Variants in ITGBL1 observed in about 807,000 individuals in gnomAD.
ITGBL1 encodes integrin subunit beta like 1, also known as integrin beta-like protein 1.
ITGBL1 carries 51 observed loss-of-function variants against 68.5 expected under a neutral mutation model. The ratio of observed to expected loss-of-function variants is 0.74; its 90% CI spans 0.59 to 0.94. ITGBL1 has a LOEUF of 0.94. Among genes scored for constraint, ITGBL1 ranks in the 40% least tolerant of loss-of-function variants. ITGBL1 has a pLI of 0.00. For synonymous variants in ITGBL1, 209 were observed against 227.3 expected, an observed-to-expected ratio of 0.92 and a Z score of 0.72; for missense variants, 649 against 647.4, an observed-to-expected ratio of 1.00 and a Z score of -0.03.
At chr13:101,487,858 A>G (rs893356618) in intron 2 of ITGBL1, among the ~76,000 whole-genome samples, 11 of 152,202 alleles carry the variant, frequency 7.2e-5, no homozygotes, top group Non-Finnish European at 1.6e-4. Flanking sequence ...AAGGTCAGAA[A>G]GAAGGGTTAA....
At position 101,558,083 on chromosome 13, in the gene ITGBL1, C is replaced by CAAAAAAAAAAAAAAAAAA. The variant is rs568103738; in HGVS notation, c.317-9600_317-9583dup. On this transcript the variant is annotated intron_variant, in intron 2 of 10. Transcript: ENST00000376180. ...TGGGAGACAGAGCAAAACTCCGTCT[C>CAAAAAAAAAAAAAAAAAA]AAAAAAAAAAAAAAAAAAAAAAAAA... Among the ~76,000 whole-genome samples, 6 of 71,690 alleles carry CAAAAAAAAAAAAAAAAAA rather than the reference C, an allele frequency of 8.4e-5. 1 individual carries two copies. The highest frequency in any genetic ancestry group is 3.4e-4 in the African/African-American group (5 of 14,680). The allele number at this position is 71,690 out of a possible 152,430, so 47.0% of individuals were successfully genotyped here. A position where few individuals can be genotyped will look rare whatever the true frequency, so the allele number is the denominator to read the frequency against.
At position 101,608,744 on chromosome 13, in the gene ITGBL1, CAG is replaced by C. The variant is rs547402502; in HGVS notation, c.1015+10446_1015+10447del. On this transcript the variant is annotated intron_variant, in intron 7 of 10. Coordinates refer to ENST00000376180, the MANE Select transcript of ITGBL1 (RefSeq NM_004791.3). ...TGCTAGATTGATTCATTATTTCTGCCAGTGCTAGAGGACCCTGGAATAGTCAT... is the reference window on the plus strand; with the variant it reads ...TGCTAGATTGATTCATTATTTCTGCCTGCTAGAGGACCCTGGAATAGTCAT... Among the ~76,000 whole-genome samples the C allele has an allele frequency of 2.3e-4, 35 of 152,104 alleles. No homozygotes were observed. In the South Asian group the frequency reaches 4.6e-3, roughly 20 times the overall value.
chr13:101,483,274 T>C (rs1327508957), intron 2 of ITGBL1, among the ~76,000 whole-genome samples: 1 of 152,194 alleles, frequency 6.6e-6, no homozygotes, highest in Admixed American at 6.5e-5. Flanking sequence ...ATCACAATGC[T>C]GAGTGAATGG....
intron 8 of ITGBL1, among the ~76,000 whole-genome samples, chr13:101,693,258 C>T (rs2139557887): frequency 6.6e-6 from 1 of 152,240 alleles, no homozygotes; most frequent in East Asian, 1.9e-4. Context: ...CCGAGCACCT[C>T]CATGGCTGGG....
At chr13:101,502,300 A>G (rs1449435493) in intron 2 of ITGBL1, among the ~76,000 whole-genome samples, 5 of 152,174 alleles carry the variant, frequency 3.3e-5, no homozygotes, top group Admixed American at 3.3e-4. Flanking sequence ...GAATTCTTAC[A>G]TTTACTACTC....
intron 3 of ITGBL1, among the ~76,000 whole-genome samples, chr13:101,571,391 T>C (rs2139261146): frequency 6.6e-6 from 1 of 152,148 alleles, no homozygotes; most frequent in East Asian, 1.9e-4. Flanking sequence ...CACTCAGACT[T>C]ATTTTATTTT....
chr13:101,555,289 G>A (rs770232077), intron 2 of ITGBL1, among the ~76,000 whole-genome samples: 22 of 152,018 alleles, frequency 1.4e-4, no homozygotes, highest in African/African-American at 2.9e-4. Context: ...CATATTTTAC[G>A]TCAATATGTT....
intron 2 of ITGBL1, among the ~76,000 whole-genome samples, chr13:101,555,883 T>C (rs9513919): frequency 0.79 from 120,713 of 152,100 alleles, 47,932 homozygotes; most frequent in African/African-American, 0.83. Flanking sequence ...TTTTGTGTGC[T>C]ATATGAGAGA....
intron 7 of ITGBL1, among the ~76,000 whole-genome samples, chr13:101,679,900 A>G (rs547488987): frequency 3.3e-5 from 5 of 152,302 alleles, no homozygotes; most frequent in Admixed American, 3.3e-4. Flanking sequence ...ATTAGTACAG[A>G]ATTTGCTTAA....
intron 2 of ITGBL1, among the ~76,000 whole-genome samples, chr13:101,484,150 C>A (rs977632539): frequency 6.6e-6 from 1 of 151,802 alleles, no homozygotes; most frequent in East Asian, 1.9e-4. Flanking sequence ...CTCCCAGAAG[C>A]AACATTTTAG....
intron 5 of ITGBL1, among the ~76,000 whole-genome samples, chr13:101,580,740 T>C (rs1174353767): frequency 6.6e-6 from 1 of 152,152 alleles, no homozygotes; most frequent in Non-Finnish European, 1.5e-5. Context: ...AAATGACTAT[T>C]TGGCTGTCAA....
chr13:101,533,211 C>T (rs2049512759), intron 2 of ITGBL1, among the ~76,000 whole-genome samples: 1 of 152,168 alleles, frequency 6.6e-6, no homozygotes, highest in African/African-American at 2.4e-5. Flanking sequence ...GCACATTTGC[C>T]ATTCTAAAAG....
intron 2 of ITGBL1, among the ~76,000 whole-genome samples, chr13:101,514,151 T>C (rs139813946): frequency 7.9e-5 from 12 of 152,156 alleles, no homozygotes; most frequent in African/African-American, 2.9e-4. Flanking sequence ...ATCCTAAATA[T>C]TCTATCCTAA....
At chr13:101,661,756 AAAAGT>A (rs1361852222) in intron 7 of ITGBL1, among the ~76,000 whole-genome samples, 1 of 152,188 alleles carries the variant, frequency 6.6e-6, no homozygotes, top group Non-Finnish European at 1.5e-5. Flanking sequence ...TTTCAAAAGT[AAAAGT>A]AAAGTGGAAG....
intron 2 of ITGBL1, chr13:101,490,019 T>A: frequency 7.4e-7 from 1 of 1,353,720 alleles, no homozygotes; most frequent in Non-Finnish European, 1.0e-6. Context: ...TATTTTTCAT[T>A]AAATTTTATT....
At chr13:101,677,192 G>T (rs2033526146) in intron 7 of ITGBL1, among the ~76,000 whole-genome samples, 2 of 152,130 alleles carry the variant, frequency 1.3e-5, no homozygotes, top group African/African-American at 2.4e-5. Context: ...GAAACATATT[G>T]TCGGCAGAGG....
At chr13:101,516,055 C>CT (rs906294318) in intron 2 of ITGBL1, among the ~76,000 whole-genome samples, 17 of 152,010 alleles carry the variant, frequency 1.1e-4, no homozygotes, top group African/African-American at 3.4e-4. Context: ...ATCTGTTCCC[C>CT]TTTTTTTATC....
At chr13:101,598,656 A>C (rs560060278) in intron 7 of ITGBL1, among the ~76,000 whole-genome samples, 1 of 152,080 alleles carries the variant, frequency 6.6e-6, no homozygotes, top group East Asian at 1.9e-4. Context: ...TCATTGTTCA[A>C]TTCCCACCTA....
intron 7 of ITGBL1, among the ~76,000 whole-genome samples, chr13:101,627,734 C>T (rs544530125): frequency 6.6e-5 from 10 of 152,194 alleles, no homozygotes; most frequent in Non-Finnish European, 1.0e-4. Context: ...CTTTCACTTA[C>T]GAATATGCAC....
Sources: gnomAD v4.1 joint callset for allele counts (sites outside exome capture counted in the v4.1 genomes callset) on GRCh38, gnomAD v4.1.1 for gene constraint, MANE v1.5 for transcripts, NCBI Gene and HGNC (gene_info 2026-07-23, HGNC 2026-07-21) for gene names.